The following ZNF454 variants were observed in gnomAD, a reference collection of about 807,000 sequenced individuals.
ZNF454 encodes the protein zinc finger protein 454.
A neutral mutation model predicts 48.2 loss-of-function variants in ZNF454; 30 were observed. That is an observed-to-expected ratio of 0.62 (90% CI 0.47 to 0.84). ZNF454 has a LOEUF of 0.84. ZNF454 is among the 40% of genes least tolerant of loss of function. The pLI, the probability that ZNF454 is intolerant of heterozygous loss-of-function variation, is 0.00. For synonymous variants in ZNF454, 204 were observed against 211.4 expected, an observed-to-expected ratio of 0.97 and a Z score of 0.30; for missense variants, 510 against 623.1, an observed-to-expected ratio of 0.82 and a Z score of 1.93.
the ZNF454 span, chr5:178,987,319 C>G: frequency 2.0e-6 from 1 of 503,116 alleles, no homozygotes; most frequent in Non-Finnish European, 3.9e-6. Context: ...GGTAGATACT[C>G]GAGAGACTAG....
At chr5:178,956,674 A>AATTTATTT (rs70997652) in intron 4 of ZNF454, among the ~76,000 whole-genome samples, 9 of 33,870 alleles carry the variant, frequency 2.7e-4, no homozygotes, top group African/African-American at 5.9e-4. Context: ...TATTTTATTT[A>AATTTATTT]ATTTATTTAT....
chr5:178,981,429 G>A, the ZNF454 span: 4 of 517,580 alleles, frequency 7.7e-6, no homozygotes, highest in South Asian at 2.6e-5. This position sits in a 1 kb window ranked among gnomAD's most constrained non-coding sequence, Gnocchi z 5.1. Context: ...TTCCCACCAT[G>A]GGAAGCGAGT....
Position 178,946,260 on chromosome 5 carries a change from T to C in ZNF454, c.34-99T>C. On this transcript the variant is annotated intron_variant, in intron 2 of 4. Coordinates refer to ENST00000519564, the MANE Select transcript of ZNF454 (RefSeq NM_001178089.3). This position sits in a 1 kb window ranked among gnomAD's most constrained non-coding sequence, Gnocchi z 4.5. ...CCAGCTCCCTGTGTGCCAGCAGTCC[T>C]GTAAATGCGCACAAGCTCCTAGGGG... 1 of 1,533,796 alleles carries C rather than the reference T, an allele frequency of 6.5e-7. No individual in the cohort carries two copies. The highest frequency in any genetic ancestry group is 1.4e-5 in the African/African-American group (1 of 71,418).
Position 178,964,702 on chromosome 5 carries a change from A to T in ZNF454, c.298A>T (p.Ile100Phe), listed in dbSNP as rs1220888217. The stretch of plus-strand genomic sequence containing the variant: ...TAAGAAATCTACTGTCAAGGCAGAG[A>T]TTCCTGAAGAAGAATTGGATCAATG... ...ASKKSTVKAE[I>F]PEEELDQWTI... is the part of the protein sequence containing the mutation. Residue 100 changes from isoleucine to phenylalanine, a missense_variant, in exon 5 of 5, where the codon ATT becomes TTT. This residue lies in a region of ZNF454 where 354 missense variants were observed against 408.9 expected (regional missense o/e 0.87). Transcript: ENST00000519564. 6.2e-7 allele frequency: 1 copy of T among 1,614,226 alleles called. No individual in the cohort carries two copies. Among genetic ancestry groups the T allele is most frequent in the Non-Finnish European group, 8.5e-7 (1 of 1,180,028 alleles).
the ZNF454 span, chr5:178,980,250 T>C: frequency 6.5e-6 from 1 of 154,510 alleles, no homozygotes; most frequent in Middle Eastern, 5.2e-4. This position sits in a 1 kb window ranked among gnomAD's most constrained non-coding sequence, Gnocchi z 4.3. Context: ...TAAACAGTGG[T>C]CAATTTAACA....
the ZNF454 span, chr5:178,982,752 A>G: frequency 1.1e-5 from 7 of 637,806 alleles, no homozygotes; most frequent in Non-Finnish European, 2.0e-5. Context: ...AAGCTTGGAA[A>G]AGTGAATGAA....
chr5:178,983,093 G>A, the ZNF454 span: 6 of 1,614,074 alleles, frequency 3.7e-6, no homozygotes, highest in African/African-American at 8.0e-5. Flanking sequence ...GGCAGCCGAT[G>A]AGAGACAGAT....
At chr5:178,985,759 C>T in the ZNF454 span, 48 of 451,006 alleles carry the variant, frequency 1.1e-4, no homozygotes, top group East Asian at 1.3e-3. Context: ...ACTCTAAAAA[C>T]GGCATTTATC....
chr5:178,960,986 A>T (rs1256086250), intron 4 of ZNF454, among the ~76,000 whole-genome samples: 1 of 148,034 alleles, frequency 6.8e-6, no homozygotes, highest in Non-Finnish European at 1.5e-5. Flanking sequence ...GCTGGAGTGC[A>T]GTGGCACGAT....
chr5:178,946,701 G>A lies in ZNF454; in HGVS notation c.161-196G>A, dbSNP rs1759351526. On this transcript the variant is annotated intron_variant, in intron 3 of 4. Coordinates refer to ENST00000519564, the MANE Select transcript of ZNF454 (RefSeq NM_001178089.3). The surrounding 1 kb of genome is among the most constrained non-coding windows in gnomAD (Gnocchi z 4.5). ...ACTAGGGTCAAATGCTTTCTTTCTG[G>A]CAAGGAGGGGAACATGGGATAAGAT... is the stretch of plus-strand genomic sequence containing the variant. Among the ~76,000 whole-genome samples, 1 of 152,098 alleles carries A rather than the reference G, an allele frequency of 6.6e-6. No homozygotes were observed. Among genetic ancestry groups the A allele is most frequent in the Non-Finnish European group, 1.5e-5 (1 of 68,024 alleles).
chr5:178,957,486 T>G (rs1016108448), intron 4 of ZNF454, among the ~76,000 whole-genome samples: 2 of 151,988 alleles, frequency 1.3e-5, no homozygotes, highest in African/African-American at 2.4e-5. Flanking sequence ...CTCGGCTCAC[T>G]GCAAGCTCCA....
the ZNF454 span, chr5:178,986,838 A>G: frequency 5.6e-6 from 9 of 1,613,670 alleles, no homozygotes; most frequent in Non-Finnish European, 7.6e-6. Flanking sequence ...GCACACTCAC[A>G]TCCAGTCTGA....
rs541676794 is a variant in ZNF454, at chr5:178,963,389, AT to A, written c.251-1262del. Among the ~76,000 whole-genome samples, 14 of 151,890 alleles carry A rather than the reference AT, an allele frequency of 9.2e-5. No homozygotes were observed. In the East Asian group the frequency reaches 2.8e-3, roughly 31 times the overall value. On this transcript the variant is annotated intron_variant, in intron 4 of 4. Coordinates refer to ENST00000519564, the MANE Select transcript of ZNF454 (RefSeq NM_001178089.3). ...GATATATTATTCTGAGCTCAACAGGATTTTAGTCTTGAAATGCGCCTGTTTA... is the reference window on the plus strand; with the variant it reads ...GATATATTATTCTGAGCTCAACAGGATTTAGTCTTGAAATGCGCCTGTTTA...
At chr5:178,987,314 A>C in the ZNF454 span, 6 of 510,646 alleles carry the variant, frequency 1.2e-5, no homozygotes, top group Non-Finnish European at 2.3e-5. Context: ...TCCCGGGTAG[A>C]TACTCGAGAG....
At chr5:178,989,484 C>T in the ZNF454 span, 2 of 1,582,450 alleles carry the variant, frequency 1.3e-6, no homozygotes, top group African/African-American at 1.3e-5. Flanking sequence ...GCCACTTGCT[C>T]ACTTTCAGCT....
chr5:178,978,055 A>G, the ZNF454 span, among the ~76,000 whole-genome samples: 1 of 152,208 alleles, frequency 6.6e-6, no homozygotes, highest in African/African-American at 2.4e-5. Flanking sequence ...AAACCCCCCA[A>G]GCTACTTGTA....
intron 4 of ZNF454, among the ~76,000 whole-genome samples, chr5:178,957,751 G>A (rs1759836093): frequency 1.3e-5 from 2 of 152,122 alleles, no homozygotes. Flanking sequence ...TTGTACTGCA[G>A]GCTAAATCAG....
the ZNF454 span, among the ~76,000 whole-genome samples, chr5:178,975,404 C>T: frequency 6.6e-6 from 1 of 152,198 alleles, no homozygotes; most frequent in South Asian, 2.1e-4. Context: ...AAAACACGTG[C>T]ACAGAAGATG....
At position 178,957,630 on chromosome 5, in the gene ZNF454, C is replaced by T. The variant is rs539561436; in HGVS notation, c.251-7025C>T. The stretch of plus-strand genomic sequence containing the variant: ...TTCACCGTGTTAGCCAGGATGGTCT[C>T]GATCTCCTGACCTCCAATGTAGGTA... On this transcript the variant is annotated intron_variant, in intron 4 of 4. Coordinates refer to ENST00000519564, the MANE Select transcript of ZNF454 (RefSeq NM_001178089.3). Among the ~76,000 whole-genome samples, 40 of 152,134 alleles carry T rather than the reference C, an allele frequency of 2.6e-4. 1 individual carries two copies. The highest frequency in any genetic ancestry group is 3.4e-3 in the Middle Eastern group (1 of 294).
Sources: allele counts gnomAD v4.1 joint callset (sites outside exome capture counted in the v4.1 genomes callset), GRCh38; gene constraint gnomAD v4.1.1; regional missense constraint gnomAD v4.1.1; non-coding constraint Gnocchi (gnomAD v3.1); transcripts MANE v1.5; gene names NCBI Gene and HGNC (gene_info 2026-07-23, HGNC 2026-07-21).